The following DAPK1 variants were observed in gnomAD, a reference collection of about 807,000 sequenced individuals.
DAPK1 encodes death-associated protein kinase 1.
In DAPK1, 56 loss-of-function variants were observed where a neutral mutation model predicts 144.9. That is an observed-to-expected ratio of 0.39 (90% CI 0.31 to 0.48). DAPK1 has a LOEUF of 0.48. DAPK1 is among the 20% of genes least tolerant of loss of function. The pLI is 0.95. For missense variants in DAPK1, 1,454 were observed against 1,875.4 expected, an observed-to-expected ratio of 0.78 and a Z score of 4.15; for synonymous variants, 690 against 749.0, an observed-to-expected ratio of 0.92 and a Z score of 1.29.
At position 87,681,453 on chromosome 9, in the gene DAPK1, T is replaced by C; in HGVS notation, c.2051T>C (p.Leu684Pro). 2 of 1,613,706 alleles carry C rather than the reference T, an allele frequency of 1.2e-6. No individual in the cohort carries two copies. The highest frequency in any genetic ancestry group is 1.7e-6 in the Non-Finnish European group (2 of 1,179,640). Reference sequence around the variant, plus strand: ...CAGCAGCTCCGACCCACACAGAACCTGCAGCCAAGAATTAAGCTCAAGCTG... The same window carrying C: ...CAGCAGCTCCGACCCACACAGAACCCGCAGCCAAGAATTAAGCTCAAGCTG... ...FIQQLRPTQN[L>P]QPRIKLKLFG... Residue 684 changes from leucine (L) to proline (P), a missense_variant, in exon 20 of 26, where the codon CTG becomes CCG. Transcript: ENST00000408954.
In DAPK1 at chr9:87,686,022, A is replaced by G. The variant is rs1027842901; in HGVS notation, c.2225-529A>G. Among the ~76,000 whole-genome samples, 10 of 152,222 alleles carry G rather than the reference A, an allele frequency of 6.6e-5. No individual in the cohort carries two copies. Among genetic ancestry groups the G allele is most frequent in the African/African-American group, 2.4e-4 (10 of 41,462 alleles). On this transcript the variant is annotated intron_variant, in intron 20 of 25. Transcript: ENST00000408954. This position sits in a 1 kb window ranked among gnomAD's most constrained non-coding sequence, Gnocchi z 4.2. Reference sequence around the variant, plus strand: ...GGCCTTCAAGGGAATTTCAAAAAGGAGTAGCTTTCACAGTGTGTGATTCAG... The same window carrying G: ...GGCCTTCAAGGGAATTTCAAAAAGGGGTAGCTTTCACAGTGTGTGATTCAG...
rs752879712 is a variant in DAPK1 at position 87,703,228 on chromosome 9, G to A, written c.3060+11G>A. The A allele has an allele frequency of 1.3e-6, 2 of 1,575,112 alleles. No homozygotes were observed. Among genetic ancestry groups the A allele is most frequent in the South Asian group, 1.1e-5 (1 of 90,098 alleles). On this transcript the variant is annotated intron_variant, in intron 25 of 25. Transcript: ENST00000408954. ...CACAGCACAGGCGAGGTGAGCCCCT[G>A]GGAGCCCAGGCAGGGGGCCGTGAGA...
chr9:87,576,386 T>C (rs1321267022), intron 2 of DAPK1, among the ~76,000 whole-genome samples: 2 of 152,264 alleles, frequency 1.3e-5, no homozygotes, highest in Admixed American at 1.3e-4. Context: ...AAATCATGTC[T>C]CTTCAGGCGC....
chr9:87,497,344 T>G (rs1481086518), upstream of DAPK1: 1 of 152,248 alleles, frequency 6.6e-6, no homozygotes, highest in Non-Finnish European at 1.5e-5. Flanking sequence ...TTAACCTGTT[T>G]CGTGGTAAAC....
In DAPK1 at chr9:87,706,294, G is replaced by T; in HGVS notation, c.3223G>T (p.Asp1075Tyr). The change falls in exon 26 of 26, where the codon GAC becomes TAC. Residue 1075 changes from aspartate (D) to tyrosine (Y), a missense_variant. Physicochemically the swap from Asp to Tyr is radical, Grantham distance 160. Around this residue, in one of 2 missense-constraint regions of DAPK1, gnomAD observed 1,025 missense variants for 1,237.9 expected, o/e 0.83. Coordinates refer to ENST00000408954, the MANE Select transcript of DAPK1 (RefSeq NM_004938.4). This position sits in a 1 kb window ranked among gnomAD's most constrained non-coding sequence, Gnocchi z 9.0. Reference protein sequence around the residue: ...TVEDIQRLVPDSDVEELLQIL... With the variant: ...TVEDIQRLVPYSDVEELLQIL... ...GGAGGACATCCAGCGCCTGGTGCCC[G>T]ACAGCGACGTGGAGGAGCTGCTGCA... 6.2e-7 allele frequency: 1 copy of T among 1,611,830 alleles called. No individual in the cohort carries two copies. The highest frequency in any genetic ancestry group is 1.3e-5 in the African/African-American group (1 of 75,010).
chr9:87,586,537 T>C (rs1245119958), intron 2 of DAPK1, among the ~76,000 whole-genome samples: 1 of 152,206 alleles, frequency 6.6e-6, no homozygotes, highest in Non-Finnish European at 1.5e-5. Flanking sequence ...GATAAAACAC[T>C]ATTGGACACG....
chr9:87,689,781 G>A (rs1182896180), intron 21 of DAPK1, among the ~76,000 whole-genome samples: 2 of 152,010 alleles, frequency 1.3e-5, no homozygotes, highest in Non-Finnish European at 2.9e-5. Flanking sequence ...CCCAGTATGT[G>A]TTCTTATTGC....
At chr9:87,696,920 T>C (rs1825278867) in intron 21 of DAPK1, 87 bp from the exon 22 acceptor site, 4 of 789,640 alleles carry the variant, frequency 5.1e-6, no homozygotes, top group South Asian at 2.8e-5. Flanking sequence ...CTATGCCTAC[T>C]TCGAATCCGT....
intron 2 of DAPK1, among the ~76,000 whole-genome samples, chr9:87,580,850 A>G (rs1464732627): frequency 6.6e-6 from 1 of 152,214 alleles, no homozygotes; most frequent in African/African-American, 2.4e-5. Context: ...AAGGAGAAGC[A>G]GTGCTCTGAG....
At chr9:87,667,292 G>A (rs982386872) in intron 18 of DAPK1, among the ~76,000 whole-genome samples, 2 of 152,184 alleles carry the variant, frequency 1.3e-5, no homozygotes, top group African/African-American at 4.8e-5. Flanking sequence ...AGTTCTGACT[G>A]CACAGCAAGC....
intron 18 of DAPK1, among the ~76,000 whole-genome samples, chr9:87,664,220 T>G (rs921811203): frequency 1.3e-5 from 2 of 152,162 alleles, no homozygotes; most frequent in Non-Finnish European, 2.9e-5. Context: ...CCCCTTCAGT[T>G]GTGGCTGGGT....
At chr9:87,646,757 C>T (rs967718023) in intron 13 of DAPK1, among the ~76,000 whole-genome samples, 198 bp downstream of exon 13, 1 of 152,208 alleles carries the variant, frequency 6.6e-6, no homozygotes, top group Non-Finnish European at 1.5e-5. Context: ...TTTATCCTCC[C>T]CTTGGCGCTG....
At chr9:87,698,345 A>G (rs1825331247) in intron 22 of DAPK1, 2 of 252,586 alleles carry the variant, frequency 7.9e-6, no homozygotes, top group East Asian at 8.3e-5. Flanking sequence ...CTTTTGTCAC[A>G]GGTTAAATTT....
At chr9:87,562,391 G>A (rs1022168807) in intron 2 of DAPK1, among the ~76,000 whole-genome samples, 2 of 152,148 alleles carry the variant, frequency 1.3e-5, no homozygotes, top group Non-Finnish European at 2.9e-5. Flanking sequence ...TGAGGAAGAG[G>A]CTGTCACAAA....
intron 11 of DAPK1, 130 bp downstream of exon 11, chr9:87,643,598 C>T (rs1830170374): frequency 1.2e-5 from 8 of 645,598 alleles, no homozygotes; most frequent in Middle Eastern, 2.6e-4. Flanking sequence ...TTGATCCCCT[C>T]GGAGGGGTTT....
chr9:87,683,609 G>A (rs1824723538), intron 20 of DAPK1, among the ~76,000 whole-genome samples: 1 of 152,172 alleles, frequency 6.6e-6, no homozygotes, highest in Non-Finnish European at 1.5e-5. Flanking sequence ...TGGAGTCCTG[G>A]GAGTCACCTG....
rs1227302906 is a variant in DAPK1, at chr9:87,637,976, T to C, written c.318T>C (p.Ala106=). The change falls in exon 4 of 26, where the codon GCT becomes GCC. Residue 106 remains alanine (A), a synonymous_variant. Transcript: ENST00000408954. The stretch of plus-strand genomic sequence containing the variant: ...GTGGCGAGCTGTTTGACTTCTTAGC[T>C]GAAAAGGAATCTTTAACTGAAGAGG... ...VAGGELFDFL[A]EKESLTEEEA... is the part of the protein sequence containing the mutation. The C allele has an allele frequency of 6.2e-7, 1 of 1,614,160 alleles. No homozygotes were observed.
chr9:87,682,935 T>C (rs1389324914), intron 20 of DAPK1, among the ~76,000 whole-genome samples: 2 of 152,126 alleles, frequency 1.3e-5, no homozygotes, highest in Non-Finnish European at 1.5e-5. Context: ...CATTTTCCAG[T>C]GTGATTTTTT....
At chr9:87,509,308 A>C (rs1485166654) in intron 2 of DAPK1, among the ~76,000 whole-genome samples, 1 of 152,190 alleles carries the variant, frequency 6.6e-6, no homozygotes, top group Non-Finnish European at 1.5e-5. Context: ...ACCTTAAAAT[A>C]ATATTTCATT....
Sources: allele counts gnomAD v4.1 joint callset (sites outside exome capture counted in the v4.1 genomes callset), GRCh38; gene constraint gnomAD v4.1.1; regional missense constraint gnomAD v4.1.1; non-coding constraint Gnocchi (gnomAD v3.1); transcripts MANE v1.5; gene names NCBI Gene and HGNC (gene_info 2026-07-23, HGNC 2026-07-21).